The following TMEM132D variants were observed in gnomAD, a reference collection of about 807,000 sequenced individuals.
TMEM132D encodes mature OL transmembrane protein.
A neutral mutation model predicts 62.3 loss-of-function variants in TMEM132D; 21 were observed. The ratio of observed to expected loss-of-function variants is 0.34; its 90% confidence interval spans 0.24 to 0.49. The LOEUF is 0.49. TMEM132D is among the 20% of genes least tolerant of loss of function. The pLI, the probability that TMEM132D is intolerant of heterozygous loss-of-function variation, is 0.99. For synonymous variants in TMEM132D, 621 were observed against 575.6 expected, an observed-to-expected ratio of 1.08 and a Z score of -1.13; for missense variants, 1,346 against 1,402.8, an observed-to-expected ratio of 0.96 and a Z score of 0.65.
At chr12:129,082,739 T>C (rs539602423) in intron 6 of TMEM132D, among the ~76,000 whole-genome samples, 1 of 152,284 alleles carries the variant, frequency 6.6e-6, no homozygotes, top group Admixed American at 6.5e-5. Context: ...TGTTGTTCTT[T>C]CTCTTTTTGT....
intron 5 of TMEM132D, among the ~76,000 whole-genome samples, chr12:129,115,299 A>G (rs1175145402): frequency 1.3e-5 from 2 of 152,194 alleles, no homozygotes; most frequent in Admixed American, 1.3e-4. Flanking sequence ...CTCAGCCAAC[A>G]CGATTATCCT....
chr12:129,574,695 G>A (rs1369344016), intron 2 of TMEM132D, among the ~76,000 whole-genome samples: 1 of 151,740 alleles, frequency 6.6e-6, no homozygotes, highest in East Asian at 1.9e-4. Context: ...CATCCACAGC[G>A]AGATGAAAAC....
At chr12:129,466,270 A>G (rs1246305871) in intron 3 of TMEM132D, among the ~76,000 whole-genome samples, 1 of 138,560 alleles carries the variant, frequency 7.2e-6, no homozygotes, top group Admixed American at 7.2e-5. Context: ...AGTGGCTGGT[A>G]GATTTTTCCT....
intron 3 of TMEM132D, among the ~76,000 whole-genome samples, chr12:129,518,635 C>T (rs183705498): frequency 6.6e-6 from 1 of 151,520 alleles, no homozygotes; most frequent in East Asian, 1.9e-4. Context: ...AATCAGGTTG[C>T]TACTCTATAT....
chr12:129,304,617 C>T (rs996336670), intron 4 of TMEM132D, among the ~76,000 whole-genome samples: 3 of 150,196 alleles, frequency 2.0e-5, no homozygotes, highest in African/African-American at 7.3e-5. Flanking sequence ...CGGCATCTTG[C>T]AAAAGTTCCC....
At chr12:129,831,505 C>T (rs1352301891) in intron 1 of TMEM132D, among the ~76,000 whole-genome samples, 10 of 152,202 alleles carry the variant, frequency 6.6e-5, no homozygotes, top group African/African-American at 2.2e-4. Flanking sequence ...ATTATGCGGC[C>T]GGTGCCTCGG....
intron 2 of TMEM132D, among the ~76,000 whole-genome samples, chr12:129,568,232 T>C (rs894882249): frequency 6.6e-6 from 1 of 152,214 alleles, no homozygotes; most frequent in Admixed American, 6.5e-5. Flanking sequence ...GAATTTTCAG[T>C]TTCCTAAGGC....
At chr12:129,254,501 A>G (rs11060225) in intron 4 of TMEM132D, among the ~76,000 whole-genome samples, 10,938 of 152,164 alleles carry the variant, frequency 0.072, 592 homozygotes, top group Admixed American at 0.18. Flanking sequence ...TAATCCCTCT[A>G]AGCCTCAGAT....
In TMEM132D at chr12:129,615,714, G is replaced by A. The variant is rs532429102; in HGVS notation, c.968+84096C>T. Among the ~76,000 whole-genome samples the A allele has an allele frequency of 3.1e-4, 47 of 151,348 alleles. 1 individual carries two copies. The highest frequency in any genetic ancestry group is 7.8e-4 in the African/African-American group (32 of 41,236). On this transcript the variant is annotated intron_variant, in intron 2 of 8. Transcript: ENST00000422113. The stretch of plus-strand genomic sequence containing the variant: ...TTGAGTCCAGGAGGTCGAGGCTGCC[G>A]TGGGTTGTGATCATGCCACAGCCTG...
intron 1 of TMEM132D, among the ~76,000 whole-genome samples, chr12:129,873,800 C>T (rs1217192044): frequency 1.3e-5 from 2 of 152,164 alleles, no homozygotes; most frequent in African/African-American, 4.8e-5. Flanking sequence ...GAGGGTCTTT[C>T]TTGTGTACAG....
At chr12:129,712,623 G>A (rs145002333) in intron 1 of TMEM132D, among the ~76,000 whole-genome samples, 9 of 152,256 alleles carry the variant, frequency 5.9e-5, no homozygotes, top group African/African-American at 1.7e-4. Flanking sequence ...TATGGCTGGC[G>A]CTACCAAGAA....
chr12:129,810,796 C>A, intron 1 of TMEM132D, among the ~76,000 whole-genome samples: 1 of 152,122 alleles, frequency 6.6e-6, no homozygotes, highest in East Asian at 1.9e-4. Context: ...TAATCTTGAA[C>A]AATGTCCAAA....
intron 1 of TMEM132D, among the ~76,000 whole-genome samples, chr12:129,775,446 G>A (rs1870890120): frequency 6.6e-6 from 1 of 152,168 alleles, no homozygotes; most frequent in African/African-American, 2.4e-5. Flanking sequence ...CCCCTCTCAA[G>A]CTGCCAGAGA....
At chr12:129,367,431 C>G (rs1356444481) in intron 3 of TMEM132D, among the ~76,000 whole-genome samples, 1 of 152,090 alleles carries the variant, frequency 6.6e-6, no homozygotes, top group Non-Finnish European at 1.5e-5. Flanking sequence ...ATGCATGTGC[C>G]TCAAATGCAG....
At chr12:129,582,607 C>A (rs2137127797) in intron 2 of TMEM132D, among the ~76,000 whole-genome samples, 1 of 135,816 alleles carries the variant, frequency 7.4e-6, no homozygotes, top group Admixed American at 8.1e-5. Context: ...AGACGTGAGA[C>A]TCATTTTCTT....
chr12:129,350,726 C>T (rs535048943), intron 3 of TMEM132D, among the ~76,000 whole-genome samples: 55 of 152,188 alleles, frequency 3.6e-4, no homozygotes, highest in Non-Finnish European at 6.8e-4. Context: ...AACCAACCAA[C>T]CCAAGTTCAT....
intron 3 of TMEM132D, among the ~76,000 whole-genome samples, chr12:129,462,617 A>G (rs1873716300): frequency 6.6e-6 from 1 of 152,188 alleles, no homozygotes; most frequent in South Asian, 2.1e-4. Flanking sequence ...TTGTGGGGGG[A>G]GAAGTATAAC....
At chr12:129,140,248 A>G (rs1269895382) in intron 5 of TMEM132D, among the ~76,000 whole-genome samples, 1 of 145,788 alleles carries the variant, frequency 6.9e-6, no homozygotes, top group Non-Finnish European at 1.5e-5. Context: ...ACACACGGTA[A>G]CTATGTGAGA....
chr12:129,533,557 T>TA (rs1321898879), intron 2 of TMEM132D, among the ~76,000 whole-genome samples: 1 of 152,244 alleles, frequency 6.6e-6, no homozygotes, highest in Non-Finnish European at 1.5e-5. Context: ...CCTTTTCTGA[T>TA]ATATAATGGG....
Sources: allele counts gnomAD v4.1 joint callset (sites outside exome capture counted in the v4.1 genomes callset), GRCh38; gene constraint gnomAD v4.1.1; transcripts MANE v1.5; gene names NCBI Gene and HGNC (gene_info 2026-07-23, HGNC 2026-07-21).